MAST3: variants seen among roughly 807,000 people sequenced by gnomAD.
MAST3 encodes microtubule-associated serine/threonine-protein kinase 3.
MAST3 carries 43 observed loss-of-function variants against 127.0 expected under a neutral mutation model. The ratio of observed to expected loss-of-function variants is 0.34; its 90% CI spans 0.27 to 0.44. MAST3 has a LOEUF of 0.44. Among genes scored for constraint, MAST3 ranks in the 20% least tolerant of loss-of-function variants. The pLI is 1.00. For missense variants in MAST3, 1,390 were observed against 1,919.1 expected, an observed-to-expected ratio of 0.72 and a Z score of 5.15; for synonymous variants, 785 against 809.2, an observed-to-expected ratio of 0.97 and a Z score of 0.51.
chr19:18,138,633 G>T (rs1241192626), intron 19 of MAST3, among the ~76,000 whole-genome samples: 1 of 152,166 alleles, frequency 6.6e-6, no homozygotes, highest in Non-Finnish European at 1.5e-5. Context: ...AAGTAGCTGG[G>T]ATTACAGGCG....
chr19:18,145,372 T>A lies in MAST3; in HGVS notation c.3039+143T>A. The stretch of plus-strand genomic sequence containing the variant: ...ACCGAGTTCATCTCGGTCCCTGTCA[T>A]TTGGCAGGGAGGAGGTCAGATGAGA... On this transcript the variant is annotated intron_variant, in intron 24 of 27. Coordinates refer to ENST00000687212, the MANE Select transcript of MAST3 (RefSeq NM_001393504.1). This position sits in a 1 kb window ranked among gnomAD's most constrained non-coding sequence, Gnocchi z 5.9. 1.3e-6 allele frequency: 1 copy of A among 786,930 alleles called. No individual in the cohort carries two copies. The highest frequency in any genetic ancestry group is 2.1e-6 in the Non-Finnish European group (1 of 475,824). The allele number at this position is 786,930 out of a possible 1,614,324, so 48.7% of individuals were successfully genotyped here. A position where few individuals can be genotyped will look rare whatever the true frequency, so the allele number is the denominator to read the frequency against.
rs2042178175 is a variant in MAST3, at chr19:18,139,081, C to A, written c.2162C>A (p.Thr721Lys). Residue 721 changes from threonine to lysine, a missense_variant, in exon 20 of 28, where the codon ACA becomes AAA. Coordinates refer to ENST00000687212, the MANE Select transcript of MAST3 (RefSeq NM_001393504.1). ...DDETNDEESSTEIPQFSSCSH... is the reference protein window; with the variant it reads ...DDETNDEESSKEIPQFSSCSH... ...GAGACCAATGATGAAGAATCGTCCA[C>A]AGAGATCCCCCAGTTCTCCTCCTGC... is the stretch of plus-strand genomic sequence containing the variant. 1 of 1,605,106 alleles carries A rather than the reference C, an allele frequency of 6.2e-7. No individual in the cohort carries two copies. Among genetic ancestry groups the A allele is most frequent in the Non-Finnish European group, 8.5e-7 (1 of 1,176,022 alleles).
In MAST3 at chr19:18,143,824, G is replaced by A. The variant is rs1338670864; in HGVS notation, c.2401G>A (p.Gly801Ser). The change falls in exon 22 of 28, where the codon GGT (glycine) becomes AGT (serine). Residue 801 changes from glycine to serine, a missense_variant. By Grantham distance (56) the Gly-to-Ser change is moderately conservative (BLOSUM62 0). Coordinates refer to ENST00000687212, the MANE Select transcript of MAST3 (RefSeq NM_001393504.1). Reference sequence around the variant, plus strand: ...GTCATCTTCGTCCCAGCCCGAGCGGGGTCCCAGCCCATCTCTCCTGAATAC... The same window carrying A: ...GTCATCTTCGTCCCAGCCCGAGCGGAGTCCCAGCCCATCTCTCCTGAATAC... ...CQSSSSQPER[G>S]PSPSLLNTIS... 2 of 1,613,772 alleles carry A rather than the reference G, an allele frequency of 1.2e-6. No individual in the cohort carries two copies. The highest frequency in any genetic ancestry group is 2.2e-5 in the East Asian group (1 of 44,890).
At chr19:18,123,809 A>G (rs123201) in intron 8 of MAST3, 130 bp from the exon 9 acceptor site, 985,729 of 1,052,398 alleles carry the variant, frequency 0.94, 461,917 homozygotes, top group East Asian at 0.96. Flanking sequence ...TTCCTCCTGC[A>G]CCAGCCCTCC....
chr19:18,126,376 CCAGGTTG>C (rs1216472123), intron 11 of MAST3, among the ~76,000 whole-genome samples: 1 of 152,106 alleles, frequency 6.6e-6, no homozygotes, highest in African/African-American at 2.4e-5. Context: ...CAGGAGGTGA[CCAGGTTG>C]CAGATCCAAA....
chr19:18,129,938 GGAAA>G (rs1255458736), intron 13 of MAST3, among the ~76,000 whole-genome samples: 2,826 of 142,836 alleles, frequency 0.02, 45 homozygotes, highest in African/African-American at 0.034. Context: ...AAAAAAAAAA[GGAAA>G]GAAAGAAAGA....
intron 11 of MAST3, among the ~76,000 whole-genome samples, chr19:18,126,664 G>A (rs1240946133): frequency 2.0e-5 from 3 of 152,162 alleles, no homozygotes; most frequent in Non-Finnish European, 2.9e-5. Flanking sequence ...AGCTACTTGC[G>A]GGGCTGAAGT....
At chr19:18,119,891 C>T (rs987801500) in intron 3 of MAST3, among the ~76,000 whole-genome samples, 1 of 152,200 alleles carries the variant, frequency 6.6e-6, no homozygotes, top group Non-Finnish European at 1.5e-5. Flanking sequence ...TCGGAGGCCC[C>T]GAGACTTCAT....
At chr19:18,101,336 T>TTCCTCCTCCTCCTCC (rs147438175) in intron 1 of MAST3, among the ~76,000 whole-genome samples, 2 of 144,012 alleles carry the variant, frequency 1.4e-5, no homozygotes, top group East Asian at 4.1e-4. Flanking sequence ...TCCACTTATT[T>TTCCTCCTCCTCCTCC]TCCTCCTCCT....
chr19:18,149,898 T>C lies in MAST3; in HGVS notation c.*172T>C. ...GACATCGCTTGTGTTCTGGTGTCAA[T>C]CGGGGCTGGATGGGGCAAGAATGGG... On this transcript the variant is annotated 3_prime_UTR_variant, in exon 28 of 28. Coordinates refer to ENST00000687212, the MANE Select transcript of MAST3 (RefSeq NM_001393504.1). This position sits in a 1 kb window ranked among gnomAD's most constrained non-coding sequence, Gnocchi z 5.9. 1.4e-6 allele frequency: 1 copy of C among 724,786 alleles called. No homozygotes were observed. The highest frequency in any genetic ancestry group is 2.1e-5 in the South Asian group (1 of 47,500). 44.9% of individuals were successfully genotyped at this position (724,786 alleles called of 1,614,324 possible).
At chr19:18,111,242 CTG>C (rs1418762764) in intron 3 of MAST3, among the ~76,000 whole-genome samples, 1 of 152,068 alleles carries the variant, frequency 6.6e-6, no homozygotes, top group Non-Finnish European at 1.5e-5. Flanking sequence ...GTTAAGAAAA[CTG>C]AGGCTCAGAG....
chr19:18,128,902 T>C lies in MAST3; in HGVS notation c.1174T>C (p.Cys392Arg), dbSNP rs2040958271. 1 of 1,613,830 alleles carries C rather than the reference T, an allele frequency of 6.2e-7. No individual in the cohort carries two copies. Among genetic ancestry groups the C allele is most frequent in the South Asian group, 1.1e-5 (1 of 91,078 alleles). ...GGTCGGCCAGTCACGGAGGAAGCCA[T>C]GCGAAAGCGACTTTGAGACCATCAA... ...ALVGQSRRKP[C>R]ESDFETIKLI... is the part of the protein sequence containing the mutation. Residue 392 changes from cysteine (C) to arginine (R), a missense_variant, in exon 13 of 28, where the codon TGC becomes CGC. Cys to Arg is a radical substitution (Grantham distance 180). Transcript: ENST00000687212.
rs2042792067 is a variant in MAST3, at chr19:18,144,112, C to A, written c.2584+105C>A. On this transcript the variant is annotated intron_variant, in intron 22 of 27. Coordinates refer to ENST00000687212, the MANE Select transcript of MAST3 (RefSeq NM_001393504.1). The surrounding 1 kb of genome is among the most constrained non-coding windows in gnomAD (Gnocchi z 4.0). ...ATGAGTAGGAGTTCTCCAGAGCCAA[C>A]AAAGGCTTTAAGAGAGGAGAAGCCA... 1 of 1,440,890 alleles carries A rather than the reference C, an allele frequency of 6.9e-7. No homozygotes were observed. Among genetic ancestry groups the A allele is most frequent in the Non-Finnish European group, 9.2e-7 (1 of 1,086,096 alleles). 89.3% of individuals were successfully genotyped at this position (1,440,890 alleles called of 1,614,324 possible).
chr19:18,118,365 A>T, intron 3 of MAST3: 1 of 579,632 alleles, frequency 1.7e-6, no homozygotes, highest in Non-Finnish European at 2.2e-6. Context: ...TGTCTGTGGC[A>T]GCAGTGGGAA....
At chr19:18,107,406 G>A (rs1205137442) in intron 1 of MAST3, among the ~76,000 whole-genome samples, 181 bp from the exon 2 acceptor site, 4 of 152,180 alleles carry the variant, frequency 2.6e-5, no homozygotes, top group Non-Finnish European at 5.9e-5. Flanking sequence ...AGGGAAGGCT[G>A]TTCTGAGAGA....
intron 1 of MAST3, among the ~76,000 whole-genome samples, chr19:18,101,780 T>G (rs2146791149): frequency 6.6e-6 from 1 of 151,258 alleles, no homozygotes; most frequent in Admixed American, 6.6e-5. Context: ...GCCTCCTGAG[T>G]AGCTGGATTA....
Position 18,107,633 on chromosome 19 carries a change from G to T in MAST3, c.71+15G>T. On this transcript the variant is annotated intron_variant, in intron 2 of 27. Coordinates refer to ENST00000687212, the MANE Select transcript of MAST3 (RefSeq NM_001393504.1). ...CGAGGACGTGGGTGAGTTCACCTGGGACTGGCGGGCTGGGTGGGCCCCAGT... is the reference window on the plus strand; with the variant it reads ...CGAGGACGTGGGTGAGTTCACCTGGTACTGGCGGGCTGGGTGGGCCCCAGT... 1.2e-6 allele frequency: 2 copies of T among 1,611,898 alleles called. No homozygotes were observed. The highest frequency in any genetic ancestry group is 2.2e-5 in the East Asian group (1 of 44,764).
chr19:18,147,773 A>G, intron 27 of MAST3, 149 bp downstream of exon 27: 1 of 644,896 alleles, frequency 1.6e-6, no homozygotes. Context: ...GGAACCTGGG[A>G]GTACTTAGAG....
intron 3 of MAST3, among the ~76,000 whole-genome samples, chr19:18,119,062 A>G (rs1439329464): frequency 2.0e-5 from 3 of 152,122 alleles, no homozygotes; most frequent in African/African-American, 4.8e-5. Context: ...TGTCCTGGGT[A>G]CCAAGAGAGG....
Sources: allele counts gnomAD v4.1 joint callset (sites outside exome capture counted in the v4.1 genomes callset), GRCh38; gene constraint gnomAD v4.1.1; non-coding constraint Gnocchi (gnomAD v3.1); transcripts MANE v1.5; gene names NCBI Gene and HGNC (gene_info 2026-07-23, HGNC 2026-07-21).